Variants in PREX1 observed in about 807,000 individuals in gnomAD.
PREX1 encodes the protein phosphatidylinositol-3,4,5-trisphosphate dependent Rac exchange factor 1.
In PREX1, 41 loss-of-function variants were observed where a neutral mutation model predicts 198.3. That is an observed-to-expected ratio of 0.21 (90% CI 0.16 to 0.27). The LOEUF (loss-of-function observed/expected upper bound fraction) is 0.27. Ranked by LOEUF, PREX1 falls within the 10% of genes least tolerant of loss-of-function variation. PREX1 has a pLI of 1.00. For missense variants in PREX1, 1,620 were observed against 2,200.7 expected (o/e 0.74, Z 5.28); for synonymous variants, 843 against 887.2 (o/e 0.95, Z 0.89).
At chr20:48,785,580 G>A (rs1356789388) in intron 1 of PREX1, among the ~76,000 whole-genome samples, 1 of 152,240 alleles carries the variant, frequency 6.6e-6, no homozygotes, top group Admixed American at 6.5e-5. Context: ...CGGCCAGCCA[G>A]GGCTGAGCTC....
intron 1 of PREX1, among the ~76,000 whole-genome samples, chr20:48,787,470 C>A (rs2090318490): frequency 6.6e-6 from 1 of 152,022 alleles, no homozygotes; most frequent in African/African-American, 2.4e-5. Context: ...CAGCAAACAG[C>A]CCCCGGCCAG....
intron 1 of PREX1, among the ~76,000 whole-genome samples, chr20:48,812,460 A>ATAAGAGGAATGGGTAAATAATG (rs2090440713): frequency 2.0e-5 from 3 of 151,666 alleles, no homozygotes. Flanking sequence ...GGTAAAAAAT[A>ATAAGAGGAATGGGTAAATAATG]TAAGAGGAAT....
At chr20:48,628,571 C>T (rs529062285) in intron 37 of PREX1, among the ~76,000 whole-genome samples, 10 of 152,278 alleles carry the variant, frequency 6.6e-5, no homozygotes, top group Middle Eastern at 3.4e-3. Flanking sequence ...AGCAGCATCC[C>T]GGCCTCTACC....
intron 6 of PREX1, 82 bp from the exon 7 acceptor site, chr20:48,700,968 C>G: frequency 6.3e-7 from 1 of 1,578,878 alleles, no homozygotes; most frequent in Non-Finnish European, 8.7e-7. Flanking sequence ...CTACTACCAC[C>G]TCCTGCCACA....
intron 1 of PREX1, among the ~76,000 whole-genome samples, chr20:48,765,085 G>A (rs572483126): frequency 9.1e-4 from 138 of 152,288 alleles, no homozygotes; most frequent in African/African-American, 2.5e-3. Context: ...AAACTAATAC[G>A]ACTGCTAGCT....
chr20:48,663,910 GCACACA>G (rs11472118), intron 15 of PREX1, among the ~76,000 whole-genome samples: 14 of 150,124 alleles, frequency 9.3e-5, no homozygotes, highest in African/African-American at 3.2e-4. Context: ...GTGAGTGCGC[GCACACA>G]CACACACACA....
At chr20:48,798,022 T>C (rs1379171819) in intron 1 of PREX1, among the ~76,000 whole-genome samples, 1 of 152,230 alleles carries the variant, frequency 6.6e-6, no homozygotes, top group East Asian at 1.9e-4. Flanking sequence ...TGAGCTCATC[T>C]GTAACCTTTA....
At chr20:48,663,166 C>G (rs1284361547) in intron 15 of PREX1, among the ~76,000 whole-genome samples, 1 of 152,104 alleles carries the variant, frequency 6.6e-6, no homozygotes, top group East Asian at 1.9e-4. Context: ...ATGCTGAGCG[C>G]ACAGGAGGGG....
At chr20:48,772,412 G>C (rs2090240645) in intron 1 of PREX1, among the ~76,000 whole-genome samples, 1 of 152,106 alleles carries the variant, frequency 6.6e-6, no homozygotes, top group African/African-American at 2.4e-5. Flanking sequence ...CTGTCCCTGT[G>C]ACACTGGGTG....
intron 3 of PREX1, among the ~76,000 whole-genome samples, chr20:48,740,263 G>T (rs1245303138): frequency 6.6e-6 from 1 of 152,198 alleles, no homozygotes; most frequent in Non-Finnish European, 1.5e-5. Flanking sequence ...GGCTGCAGTG[G>T]ATGCCATGGT....
the PREX1 span, among the ~76,000 whole-genome samples, chr20:48,869,889 T>C: frequency 6.6e-6 from 1 of 152,158 alleles, no homozygotes; most frequent in South Asian, 2.1e-4. Context: ...AAACACCTAA[T>C]GCACGCTGGG....
intron 27 of PREX1, among the ~76,000 whole-genome samples, chr20:48,644,083 T>C (rs1454941961): frequency 6.6e-6 from 1 of 152,230 alleles, no homozygotes; most frequent in East Asian, 1.9e-4. Context: ...AGCACACGCA[T>C]CACAACATTC....
Position 48,625,901 on chromosome 20 carries a change from A to G in PREX1, c.4964T>C (p.Val1655Ala). ...TTTGGGTGTTCAGAGGTCCCCATCC[A>G]CCGGCGGCTGGCAGAGGCGGTAGAG... ...PRLYRLCQPP[V>A]DGDL Residue 1655 changes from valine (V) to alanine (A), a missense_variant, in exon 40 of 40, where the codon GTG becomes GCG. Around this residue, in one of 7 missense-constraint regions of PREX1, gnomAD observed 476 missense variants for 603.4 expected, o/e 0.79. Coordinates refer to ENST00000371941, the MANE Select transcript of PREX1 (RefSeq NM_020820.4). The G allele has an allele frequency of 6.4e-7, 1 of 1,564,274 alleles. No individual in the cohort carries two copies. The highest frequency in any genetic ancestry group is 1.2e-5 in the South Asian group (1 of 85,232).
At chr20:48,689,536 A>T (rs1479986071) in intron 9 of PREX1, among the ~76,000 whole-genome samples, 1 of 152,112 alleles carries the variant, frequency 6.6e-6, no homozygotes, top group African/African-American at 2.4e-5. Flanking sequence ...GATGTGGACA[A>T]CACCCAATTC....
chr20:48,723,109 T>C (rs763827163), intron 5 of PREX1, among the ~76,000 whole-genome samples: 5 of 152,212 alleles, frequency 3.3e-5, no homozygotes, highest in Non-Finnish European at 7.3e-5. Context: ...TAGGCAACGT[T>C]CAAGTTCAGC....
rs189854277 is a variant in PREX1 at position 48,678,025 on chromosome 20, A to G, written c.1589+1335T>C. Among the ~76,000 whole-genome samples, 9 of 151,086 alleles carry G rather than the reference A, an allele frequency of 6.0e-5. No homozygotes were observed. The East Asian group carries it at 1.8e-3, about 30-fold the overall frequency. ...AAGAAAAAGAAAAAACCAAACATAT[A>G]AAAAAAGGCCAGGTGCAGTGGTTCA... On this transcript the variant is annotated intron_variant, in intron 13 of 39. Coordinates refer to ENST00000371941, the MANE Select transcript of PREX1 (RefSeq NM_020820.4).
At chr20:48,701,535 T>G (rs561795811) in intron 6 of PREX1, among the ~76,000 whole-genome samples, 5 of 151,218 alleles carry the variant, frequency 3.3e-5, no homozygotes, top group South Asian at 4.2e-4. Context: ...TTATTGTGGG[T>G]TTTTTTTTCA....
intron 1 of PREX1, among the ~76,000 whole-genome samples, chr20:48,789,572 A>G (rs2090328124): frequency 1.3e-5 from 2 of 152,198 alleles, no homozygotes; most frequent in African/African-American, 4.8e-5. Context: ...CCAGGCTATC[A>G]GCCAGCCCCC....
At chr20:48,732,660 G>A (rs1003143177) in intron 4 of PREX1, among the ~76,000 whole-genome samples, 12 of 152,156 alleles carry the variant, frequency 7.9e-5, no homozygotes, top group African/African-American at 2.9e-4. Flanking sequence ...GCTATGCAGT[G>A]TCCCCTAATG....
Sources: gnomAD v4.1 joint callset for allele counts (sites outside exome capture counted in the v4.1 genomes callset) on GRCh38, gnomAD v4.1.1 for gene constraint, gnomAD v4.1.1 regional missense constraint, MANE v1.5 for transcripts, NCBI Gene and HGNC (gene_info 2026-07-23, HGNC 2026-07-21) for gene names.